Variants in FOXP2 observed in about 807,000 individuals in gnomAD.
FOXP2 encodes the protein forkhead box P2.
In FOXP2, 12 loss-of-function variants were observed where a neutral mutation model predicts 115.8. The ratio of observed to expected loss-of-function variants is 0.10; its 90% CI spans 0.07 to 0.17. The LOEUF (loss-of-function observed/expected upper bound fraction) is 0.17. Among genes scored for constraint, FOXP2 ranks in the 10% least tolerant of loss-of-function variants. The probability of loss-of-function intolerance (pLI) is 1.00; values close to 1 mark genes in which losing one functional copy is unlikely to be tolerated. For missense variants in FOXP2, 629 were observed against 843.5 expected (o/e 0.75, Z 3.15); for synonymous variants, 328 against 297.7 (o/e 1.10, Z -1.05).
At chr7:114,259,005 A>T (rs1795685405) in intron 1 of FOXP2, among the ~76,000 whole-genome samples, 2 of 152,148 alleles carry the variant, frequency 1.3e-5, no homozygotes, top group Admixed American at 1.3e-4. Flanking sequence ...ATTGTAGAAG[A>T]GTATGTTAGA....
chr7:114,265,162 G>C (rs947738221), intron 1 of FOXP2, among the ~76,000 whole-genome samples: 4 of 152,068 alleles, frequency 2.6e-5, no homozygotes, highest in African/African-American at 9.7e-5. Context: ...AAAGTCCAAA[G>C]TCTCTTCTGA....
At chr7:114,546,556 T>C (rs1799935245) in intron 3 of FOXP2, among the ~76,000 whole-genome samples, 1 of 152,224 alleles carries the variant, frequency 6.6e-6, no homozygotes, top group Admixed American at 6.5e-5. Flanking sequence ...TACCAACTTG[T>C]TTTTGTTCCT....
chr7:114,278,506 C>G (rs1268729312), intron 1 of FOXP2, among the ~76,000 whole-genome samples: 1 of 152,034 alleles, frequency 6.6e-6, no homozygotes, highest in Non-Finnish European at 1.5e-5. Context: ...AGGCACCCAC[C>G]ACCATGCCTG....
At chr7:114,620,186 C>T (rs536042679) in intron 3 of FOXP2, among the ~76,000 whole-genome samples, 15 of 152,050 alleles carry the variant, frequency 9.9e-5, no homozygotes, top group Admixed American at 7.9e-4. Flanking sequence ...GGGAGTTCAT[C>T]GCTACACTAC....
intron 3 of FOXP2, among the ~76,000 whole-genome samples, chr7:114,620,767 A>C (rs1023456665): frequency 1.3e-4 from 20 of 152,188 alleles, no homozygotes; most frequent in African/African-American, 4.6e-4. Context: ...CCTAAATGCC[A>C]TAGAATATGT....
At chr7:114,212,475 C>G (rs1794382471) in intron 1 of FOXP2, among the ~76,000 whole-genome samples, 1 of 151,676 alleles carries the variant, frequency 6.6e-6, no homozygotes, top group African/African-American at 2.4e-5. Flanking sequence ...GAATCAGAAT[C>G]ATACCTAAAA....
At chr7:114,592,621 A>C (rs1167439254) in intron 3 of FOXP2, among the ~76,000 whole-genome samples, 2 of 151,984 alleles carry the variant, frequency 1.3e-5, no homozygotes, top group Non-Finnish European at 2.9e-5. Flanking sequence ...TTACTTTCAA[A>C]TAGTGGTAAT....
At chr7:114,422,583 G>T (rs1337540593) in intron 1 of FOXP2, among the ~76,000 whole-genome samples, 1 of 151,546 alleles carries the variant, frequency 6.6e-6, no homozygotes, top group Admixed American at 6.6e-5. Flanking sequence ...AATGTGGAGT[G>T]GAAAAGAGAT....
intron 1 of FOXP2, among the ~76,000 whole-genome samples, chr7:114,270,181 C>T (rs1796000640): frequency 1.3e-5 from 2 of 152,114 alleles, no homozygotes; most frequent in Non-Finnish European, 2.9e-5. Context: ...AAATAATACT[C>T]AATTGTGTGT....
rs144465419 is a variant in FOXP2, at chr7:114,315,610, GCACA to G, written c.-11+27524_-11+27527del. On this transcript the variant is annotated intron_variant, in intron 2 of 17. Coordinates refer to the FOXP2 transcript ENST00000634411. ...TATAAAAAAGAAAATCACTATACATGCACACACACACACACACACACACACAAAC... is the reference window on the plus strand; with the variant it reads ...TATAAAAAAGAAAATCACTATACATGCACACACACACACACACACACAAAC... Among the ~76,000 whole-genome samples the G allele has an allele frequency of 1.1e-3, 159 of 146,064 alleles. 1 individual carries two copies. The highest frequency in any genetic ancestry group is 0.011 in the Middle Eastern group (3 of 278).
rs531632442 is a variant in FOXP2, at chr7:114,616,342, T to C, written c.259-12198T>C. Among the ~76,000 whole-genome samples, 9 of 152,206 alleles carry C rather than the reference T, an allele frequency of 5.9e-5. No homozygotes were observed. In the East Asian group the frequency reaches 1.7e-3, roughly 29 times the overall value. On this transcript the variant is annotated intron_variant, in intron 3 of 16. Transcript: ENST00000350908. ...CACACCTGGCTAATTTTTGTATTTT[T>C]AGTAGAGAATGTGTTTCACCACGTT...
intron 2 of FOXP2, among the ~76,000 whole-genome samples, chr7:114,332,604 G>A (rs543382599): frequency 6.6e-6 from 1 of 152,074 alleles, no homozygotes; most frequent in South Asian, 2.1e-4. Flanking sequence ...CTTTTTCTGA[G>A]CATCTCTTTT....
At chr7:114,373,397 A>C (rs991646743) in intron 2 of FOXP2, among the ~76,000 whole-genome samples, 1 of 152,026 alleles carries the variant, frequency 6.6e-6, no homozygotes, top group Admixed American at 6.5e-5. Context: ...TTGGATTACC[A>C]GTACGTAATC....
intron 2 of FOXP2, among the ~76,000 whole-genome samples, chr7:114,373,070 G>A (rs542446384): frequency 6.6e-6 from 1 of 151,808 alleles, no homozygotes; most frequent in African/African-American, 2.4e-5. Context: ...TTGGCTCACT[G>A]CAAGCTCCAC....
chr7:114,252,207 A>G (rs1215529073), intron 1 of FOXP2, among the ~76,000 whole-genome samples: 1 of 151,972 alleles, frequency 6.6e-6, no homozygotes, highest in African/African-American at 2.4e-5. Flanking sequence ...ATTTTTTTTG[A>G]GGATTTTTGC....
intron 16 of FOXP2, chr7:114,665,598 C>T (rs1274827208): frequency 1.3e-5 from 2 of 152,044 alleles, no homozygotes; most frequent in African/African-American, 4.8e-5. Flanking sequence ...CACTTTTACT[C>T]TATCACCTTT....
At chr7:114,388,178 C>T (rs1282196315) in intron 2 of FOXP2, among the ~76,000 whole-genome samples, 2 of 152,060 alleles carry the variant, frequency 1.3e-5, no homozygotes, top group Non-Finnish European at 2.9e-5. Context: ...GAGAGTTTCC[C>T]ACAATTATTA....
intron 2 of FOXP2, among the ~76,000 whole-genome samples, chr7:114,340,077 C>T (rs1562877842): frequency 1.3e-5 from 2 of 150,416 alleles, no homozygotes; most frequent in Non-Finnish European, 1.5e-5. Context: ...TCAATTCAGT[C>T]AAAAAAAACC....
At chr7:114,421,124 A>G (rs1047441046) in intron 1 of FOXP2, among the ~76,000 whole-genome samples, 7 of 151,742 alleles carry the variant, frequency 4.6e-5, no homozygotes, top group South Asian at 2.1e-4. Context: ...ATACATCTAC[A>G]TGGCCACCAT....
Sources: allele counts gnomAD v4.1 joint callset (sites outside exome capture counted in the v4.1 genomes callset), GRCh38; gene constraint gnomAD v4.1.1; transcripts MANE v1.5; gene names NCBI Gene and HGNC (gene_info 2026-07-23, HGNC 2026-07-21).